DIAPH2: variants seen among roughly 807,000 people sequenced by gnomAD.
DIAPH2 encodes the protein diaphanous related formin 2.
In DIAPH2, 35 loss-of-function variants were observed where a neutral mutation model predicts 92.7. That is an observed-to-expected ratio of 0.38 (90% confidence interval 0.29 to 0.50). DIAPH2 has a LOEUF of 0.50. Ranked by LOEUF, DIAPH2 falls within the 20% of genes least tolerant of loss-of-function variation. The pLI is 0.94. For missense variants in DIAPH2, 701 were observed against 819.5 expected, an observed-to-expected ratio of 0.86 and a Z score of 1.77; for synonymous variants, 301 against 280.4, an observed-to-expected ratio of 1.07 and a Z score of -0.73.
intron 23 of DIAPH2, among the ~76,000 whole-genome samples, chrX:97,308,614 C>CTTTTTTTT (rs34812351): frequency 2.4e-5 from 1 of 40,919 alleles, no homozygotes; most frequent in Non-Finnish European, 4.6e-5. Context: ...GAAACCCCAT[C>CTTTTTTTT]TTTTTTTTTT....
chrX:97,561,129 G>A lies in DIAPH2; in HGVS notation c.3242-38124G>A, dbSNP rs187874019. Among the ~76,000 whole-genome samples, 103 of 112,210 alleles carry A rather than the reference G, an allele frequency of 9.2e-4. 1 individual carries two copies. The highest frequency in any genetic ancestry group is 4.6e-3 in the Middle Eastern group (1 of 219). Reference sequence around the variant, plus strand: ...TAGTGCTTATCACTAGGCATCTGCCGTATTTAATGATGTGTGTCATTTCAT... The same window carrying A: ...TAGTGCTTATCACTAGGCATCTGCCATATTTAATGATGTGTGTCATTTCAT... On this transcript the variant is annotated intron_variant, in intron 26 of 26. Coordinates refer to ENST00000324765, the MANE Select transcript of DIAPH2 (RefSeq NM_006729.5).
chrX:96,719,401 A>T (rs2063975726), intron 1 of DIAPH2, among the ~76,000 whole-genome samples: 1 of 112,231 alleles, frequency 8.9e-6, no homozygotes. Context: ...TTTTCTTGTA[A>T]CAGTTTCATA....
Position 97,011,062 on chromosome X carries a change from G to C in DIAPH2, c.2050+45855G>C, listed in dbSNP as rs1392571499. ...AAATGGTTTTGTTTTACTTCAAAAAGGAAACTCAAGAAAAGAAGCAAACTC... is the reference window on the plus strand; with the variant it reads ...AAATGGTTTTGTTTTACTTCAAAAACGAAACTCAAGAAAAGAAGCAAACTC... On this transcript the variant is annotated intron_variant, in intron 17 of 26. Coordinates refer to ENST00000324765, the MANE Select transcript of DIAPH2 (RefSeq NM_006729.5). Among the ~76,000 whole-genome samples the C allele has an allele frequency of 5.4e-5, 6 of 112,019 alleles. No individual in the cohort carries two copies. The East Asian group carries it at 1.7e-3, about 31-fold the overall frequency.
chrX:97,086,135 G>A (rs1030562592), intron 19 of DIAPH2, among the ~76,000 whole-genome samples: 8 of 111,321 alleles, frequency 7.2e-5, no homozygotes, highest in African/African-American at 2.6e-4. Flanking sequence ...TTTCATCTAT[G>A]AAGTACTTAC....
intron 3 of DIAPH2, among the ~76,000 whole-genome samples, chrX:96,739,625 G>C (rs1448570776): frequency 8.9e-6 from 1 of 111,760 alleles, no homozygotes; most frequent in Non-Finnish European, 1.9e-5. Context: ...CCTGCACCTA[G>C]AAGAGTTAGT....
intron 4 of DIAPH2, among the ~76,000 whole-genome samples, chrX:96,837,208 T>C (rs972892309): frequency 1.7e-4 from 19 of 111,476 alleles, no homozygotes; most frequent in East Asian, 1.7e-3. Context: ...AAGGGTGTTT[T>C]ATTTTGTGAA....
rs1181020336 is a variant in DIAPH2 at position 97,075,252 on chromosome X, T to A, written c.2238T>A (p.Ala746=). The A allele has an allele frequency of 1.5e-5, 17 of 1,163,961 alleles. No individual in the cohort carries two copies. Among genetic ancestry groups the A allele is most frequent in the Non-Finnish European group, 2.0e-5 (17 of 864,810 alleles). ...LEVNEDMLSE[A]LIQNLVKHLP... ...TTAATGAAGACATGCTGAGTGAGGC[T>A]TTAATTCAGGTAACTTGGATATTTT... The change falls in exon 19 of 27, where the codon GCT becomes GCA. Residue 746 remains alanine, a synonymous_variant. Coordinates refer to ENST00000324765, the MANE Select transcript of DIAPH2 (RefSeq NM_006729.5).
At chrX:96,759,449 T>A (rs2064254216) in intron 4 of DIAPH2, among the ~76,000 whole-genome samples, 1 of 111,914 alleles carries the variant, frequency 8.9e-6, no homozygotes, top group Non-Finnish European at 1.9e-5. Context: ...TTTCAAGTGA[T>A]AAGTGAAATT....
chrX:97,511,701 G>A (rs1419917176), intron 26 of DIAPH2, among the ~76,000 whole-genome samples: 2 of 110,683 alleles, frequency 1.8e-5, no homozygotes, highest in African/African-American at 6.6e-5. Context: ...CTAATTTATT[G>A]AGAGTTTTTA....
At chrX:97,306,223 T>G (rs1373051279) in intron 23 of DIAPH2, among the ~76,000 whole-genome samples, 2 of 111,254 alleles carry the variant, frequency 1.8e-5, no homozygotes, top group Admixed American at 9.7e-5. Context: ...AGGATCTGTT[T>G]GAATTAGCCA....
chrX:97,006,753 A>G (rs1285421884), intron 17 of DIAPH2, among the ~76,000 whole-genome samples: 4 of 111,850 alleles, frequency 3.6e-5, no homozygotes, highest in Admixed American at 1.9e-4. Flanking sequence ...TGGAGAATTT[A>G]GTGCACTTAC....
chrX:97,238,244 T>A (rs1185931861), intron 22 of DIAPH2, among the ~76,000 whole-genome samples: 1 of 112,216 alleles, frequency 8.9e-6, no homozygotes, highest in Non-Finnish European at 1.9e-5. Context: ...TCTCTTTATT[T>A]TTTCAAACAT....
At chrX:97,400,634 CCTGT>C (rs1485680583) in intron 25 of DIAPH2, among the ~76,000 whole-genome samples, 2 of 110,696 alleles carry the variant, frequency 1.8e-5, no homozygotes, top group African/African-American at 3.3e-5. Flanking sequence ...ACTTATTCAT[CCTGT>C]CTAACTGGAA....
intron 1 of DIAPH2, among the ~76,000 whole-genome samples, chrX:96,710,125 C>G (rs751159107): frequency 4.5e-5 from 5 of 111,154 alleles, no homozygotes; most frequent in Non-Finnish European, 9.4e-5. Context: ...TTGACATTAT[C>G]TTAGTACTCC....
chrX:96,818,075 T>G (rs2064751130), intron 4 of DIAPH2, among the ~76,000 whole-genome samples: 3 of 8,665 alleles, frequency 3.5e-4, no homozygotes, highest in Admixed American at 1.6e-3. Flanking sequence ...TCCGCCTCGG[T>G]TCACGCCATT....
At chrX:96,729,930 A>C (rs1427700632) in intron 1 of DIAPH2, among the ~76,000 whole-genome samples, 1 of 112,237 alleles carries the variant, frequency 8.9e-6, no homozygotes, top group Non-Finnish European at 1.9e-5. Context: ...AGTAAGGTGG[A>C]GAACTGGAAC....
intron 24 of DIAPH2, among the ~76,000 whole-genome samples, chrX:97,366,939 G>A (rs1447216007): frequency 1.8e-5 from 2 of 111,642 alleles, no homozygotes; most frequent in Non-Finnish European, 1.9e-5. Context: ...CATTGTACTA[G>A]AGTATCCATG....
At chrX:96,940,771 A>G (rs1179582284) in intron 12 of DIAPH2, among the ~76,000 whole-genome samples, 1 of 112,068 alleles carries the variant, frequency 8.9e-6, no homozygotes, top group Non-Finnish European at 1.9e-5. Context: ...AAGTTCTAAC[A>G]AATTTAAAAG....
At chrX:96,855,290 C>T (rs1042158453) in intron 4 of DIAPH2, among the ~76,000 whole-genome samples, 6 of 109,915 alleles carry the variant, frequency 5.5e-5, no homozygotes, top group African/African-American at 9.9e-5. Flanking sequence ...AATTGAGAGC[C>T]GAGGGACTAT....
Sources: allele counts gnomAD v4.1 joint callset (sites outside exome capture counted in the v4.1 genomes callset), GRCh38; gene constraint gnomAD v4.1.1; transcripts MANE v1.5; gene names NCBI Gene and HGNC (gene_info 2026-07-23, HGNC 2026-07-21).